Variants in DGKB observed in about 807,000 individuals in gnomAD.
DGKB encodes 90 kDa diacylglycerol kinase.
A neutral mutation model predicts 114.3 loss-of-function variants in DGKB; 67 were observed. That is an observed-to-expected ratio of 0.59 (90% CI 0.48 to 0.72). The LOEUF is 0.72. DGKB is among the 30% of genes least tolerant of loss of function. DGKB has a pLI of 0.00. For synonymous variants in DGKB, 398 were observed against 323.1 expected, an observed-to-expected ratio of 1.23 and a Z score of -2.49; for missense variants, 907 against 975.2, an observed-to-expected ratio of 0.93 and a Z score of 0.93.
intron 23 of DGKB, among the ~76,000 whole-genome samples, chr7:14,178,480 G>T (rs1297666673): frequency 6.7e-6 from 1 of 149,966 alleles, no homozygotes; most frequent in Non-Finnish European, 1.5e-5. Context: ...ATGTATATAA[G>T]GACCATTTAT....
chr7:14,271,565 A>G (rs1798269375), intron 23 of DGKB, among the ~76,000 whole-genome samples: 1 of 152,164 alleles, frequency 6.6e-6, no homozygotes, highest in South Asian at 2.1e-4. Context: ...GAAAGCAACC[A>G]AACTTAGGAT....
intron 25 of DGKB, among the ~76,000 whole-genome samples, chr7:14,151,533 G>C (rs886893618): frequency 7.9e-5 from 12 of 151,494 alleles, no homozygotes; most frequent in Non-Finnish European, 1.6e-4. Flanking sequence ...CAGTGCTCTT[G>C]ACACAATGGG....
intron 2 of DGKB, among the ~76,000 whole-genome samples, chr7:14,807,059 T>A (rs985019707): frequency 6.6e-6 from 1 of 151,624 alleles, no homozygotes; most frequent in African/African-American, 2.4e-5. Context: ...AAAAAAAAAA[T>A]AAAAAGCTGA....
At chr7:14,358,066 T>G (rs947294030) in intron 21 of DGKB, among the ~76,000 whole-genome samples, 2 of 152,166 alleles carry the variant, frequency 1.3e-5, no homozygotes, top group African/African-American at 4.8e-5. Context: ...GACAATTATG[T>G]GTCTTGGGGT....
chr7:14,961,072 T>C (rs1346613081), intron 1 of DGKB, among the ~76,000 whole-genome samples: 1 of 151,648 alleles, frequency 6.6e-6, no homozygotes, highest in Non-Finnish European at 1.5e-5. Flanking sequence ...AGAAAAAGCA[T>C]ACAAATCTAT....
At chr7:14,669,183 C>A (rs1463930217) in intron 13 of DGKB, among the ~76,000 whole-genome samples, 1 of 152,134 alleles carries the variant, frequency 6.6e-6, no homozygotes, top group Non-Finnish European at 1.5e-5. Flanking sequence ...ATTGTTGCCC[C>A]TCAACACTAC....
intron 23 of DGKB, among the ~76,000 whole-genome samples, chr7:14,287,700 G>C (rs577963600): frequency 1.3e-5 from 2 of 152,144 alleles, no homozygotes; most frequent in East Asian, 3.9e-4. Flanking sequence ...CTTAAACTAG[G>C]TGAGGAGTCA....
At chr7:14,648,341 ACCC>A (rs1813599243) in intron 13 of DGKB, among the ~76,000 whole-genome samples, 1 of 151,980 alleles carries the variant, frequency 6.6e-6, no homozygotes, top group Non-Finnish European at 1.5e-5. Context: ...CTGACCCCTG[ACCC>A]CCGAGCAGCC....
At chr7:14,615,728 A>T (rs1477956483) in intron 15 of DGKB, among the ~76,000 whole-genome samples, 1 of 151,806 alleles carries the variant, frequency 6.6e-6, no homozygotes, top group Non-Finnish European at 1.5e-5. Context: ...CTCATTATTG[A>T]GTATGAGTTC....
chr7:14,584,360 G>C (rs79746976), intron 17 of DGKB, among the ~76,000 whole-genome samples: 3,404 of 152,160 alleles, frequency 0.022, 145 homozygotes, highest in African/African-American at 0.078. Flanking sequence ...TGTTTTGAAG[G>C]CTACTCTAGA....
chr7:14,246,783 C>A (rs950338338), intron 23 of DGKB, among the ~76,000 whole-genome samples: 4 of 151,990 alleles, frequency 2.6e-5, no homozygotes, highest in African/African-American at 9.7e-5. Flanking sequence ...ATTAACATAT[C>A]ATCTCACATT....
At chr7:14,214,338 G>T (rs1318248425) in intron 23 of DGKB, among the ~76,000 whole-genome samples, 2 of 151,716 alleles carry the variant, frequency 1.3e-5, no homozygotes, top group Non-Finnish European at 2.9e-5. Flanking sequence ...TTCTTCTTTT[G>T]GGGATTTCAT....
At chr7:14,393,452 T>C (rs947271993) in intron 21 of DGKB, among the ~76,000 whole-genome samples, 1 of 152,196 alleles carries the variant, frequency 6.6e-6, no homozygotes, top group Non-Finnish European at 1.5e-5. Flanking sequence ...ATTATATTTT[T>C]AATGTTATTA....
At chr7:14,862,909 T>G (rs1395550995) in intron 1 of DGKB, among the ~76,000 whole-genome samples, 1 of 152,080 alleles carries the variant, frequency 6.6e-6, no homozygotes, top group Non-Finnish European at 1.5e-5. Flanking sequence ...TTTAGTATAC[T>G]AACCTTTGAT....
chr7:14,217,156 G>A (rs946113792), intron 23 of DGKB, among the ~76,000 whole-genome samples: 1 of 152,156 alleles, frequency 6.6e-6, no homozygotes, highest in African/African-American at 2.4e-5. Flanking sequence ...TAGAGATCCA[G>A]AGTGTATCTA....
intron 14 of DGKB, among the ~76,000 whole-genome samples, chr7:14,625,641 C>G (rs531182656): frequency 6.6e-6 from 1 of 152,106 alleles, no homozygotes; most frequent in Non-Finnish European, 1.5e-5. Flanking sequence ...TTTTGGGGCT[C>G]TAAACCACAA....
At chr7:14,933,443 A>G (rs971856808) in intron 1 of DGKB, among the ~76,000 whole-genome samples, 2 of 152,126 alleles carry the variant, frequency 1.3e-5, no homozygotes, top group African/African-American at 4.8e-5. Flanking sequence ...AGTGCTTTGC[A>G]TATCATATAT....
chr7:14,373,909 C>T (rs1472526126), intron 21 of DGKB, among the ~76,000 whole-genome samples: 3 of 152,126 alleles, frequency 2.0e-5, no homozygotes, highest in Non-Finnish European at 4.4e-5. Flanking sequence ...AACCAGTCCG[C>T]TGACATAGTC....
chr7:14,649,909 A>T (rs924191821), intron 13 of DGKB, among the ~76,000 whole-genome samples: 1 of 142,872 alleles, frequency 7.0e-6, no homozygotes, highest in Non-Finnish European at 1.5e-5. Context: ...AGGCCATTAC[A>T]TAATGGTAAA....
Sources: gnomAD v4.1 joint callset for allele counts (sites outside exome capture counted in the v4.1 genomes callset) on GRCh38, gnomAD v4.1.1 for gene constraint, MANE v1.5 for transcripts, NCBI Gene and HGNC (gene_info 2026-07-23, HGNC 2026-07-21) for gene names.